The following GK variants were observed in gnomAD, a reference collection of about 807,000 sequenced individuals.
The protein encoded by GK is ATP:glycerol 3-phosphotransferase.
GK carries 9 observed loss-of-function variants against 56.4 expected under a neutral mutation model. That is an observed-to-expected ratio of 0.16 (90% CI 0.10 to 0.28). The LOEUF (loss-of-function observed/expected upper bound fraction) is 0.28. GK is among the 10% of genes least tolerant of loss of function. GK has a pLI of 1.00. For missense variants in GK, 161 were observed against 431.4 expected (o/e 0.37, Z 5.55); for synonymous variants, 104 against 144.1 (o/e 0.72, Z 1.99).
chrX:30,700,526 G>T, intron 10 of GK, 77 bp downstream of exon 10: 1 of 850,974 alleles, frequency 1.2e-6, no homozygotes, highest in South Asian at 2.2e-5. Context: ...GTTCATCAGT[G>T]TGCCTCTTTT....
chrX:30,715,354 T>A (rs185788104), intron 13 of GK, among the ~76,000 whole-genome samples: 8 of 112,456 alleles, frequency 7.1e-5, no homozygotes, highest in Admixed American at 5.7e-4. Context: ...CCTTTCACTT[T>A]CCAGGCTACA....
rs1569148656 is a variant in GK at position 30,674,731 on chromosome X, T to C, written c.260-2644T>C. ...ACAGAGGGTACATGTGCAGGTTTGT[T>C]ATGTAGGTATATTGCATGATGTTGA... On this transcript the variant is annotated intron_variant, in intron 3 of 20. Transcript: ENST00000427190. Among the ~76,000 whole-genome samples, 3 of 111,291 alleles carry C rather than the reference T, an allele frequency of 2.7e-5. No homozygotes were observed. The Admixed American group carries it at 2.9e-4, about 11-fold the overall frequency.
chrX:30,689,798 C>T (rs1012641785), intron 4 of GK, among the ~76,000 whole-genome samples: 1 of 111,925 alleles, frequency 8.9e-6, no homozygotes, highest in African/African-American at 3.2e-5. Flanking sequence ...AAAAAGAATT[C>T]GAAATACCTC....
chrX:30,706,181 T>C (rs1935993883), intron 11 of GK, among the ~76,000 whole-genome samples: 1 of 112,059 alleles, frequency 8.9e-6, no homozygotes, highest in African/African-American at 3.2e-5. Flanking sequence ...TGTCACCTGC[T>C]CATCAAGCAG....
chrX:30,669,384 A>G (rs1462847018), intron 3 of GK, among the ~76,000 whole-genome samples: 1 of 110,243 alleles, frequency 9.1e-6, no homozygotes, highest in Admixed American at 9.7e-5. Context: ...GGGTTTCACC[A>G]TGCTGGCCAG....
At position 30,696,034 on chromosome X, in the gene GK, C is replaced by G; in HGVS notation, c.553-8C>G. On this transcript the variant is annotated splice_region_variant and splice_polypyrimidine_tract_variant and intron_variant, in intron 6 of 20. Transcript: ENST00000427190. ...ACAAATTTAACCTGATTTTTTTACTCTGCCTAGAGTTTGACAGGAGGAGTC... is the reference window on the plus strand; with the variant it reads ...ACAAATTTAACCTGATTTTTTTACTGTGCCTAGAGTTTGACAGGAGGAGTC... 3.1e-6 allele frequency: 3 copies of G among 978,565 alleles called. No homozygotes were observed. The highest frequency in any genetic ancestry group is 4.4e-6 in the Non-Finnish European group (3 of 683,962). 80.6% of individuals were successfully genotyped at this position (978,565 alleles called of 1,213,427 possible).
At chrX:30,695,175 A>G (rs1270067170) in intron 6 of GK, 2 of 907,393 alleles carry the variant, frequency 2.2e-6, no homozygotes, top group African/African-American at 2.0e-5. Context: ...GGGAATGTCA[A>G]GGAAATATTG....
chrX:30,675,694 A>G (rs1200433440), intron 3 of GK, among the ~76,000 whole-genome samples: 1 of 107,766 alleles, frequency 9.3e-6, no homozygotes, highest in African/African-American at 3.4e-5. Context: ...TTTTTTTAGA[A>G]ACAAGGTCCA....
chrX:30,700,341 A>C, intron 9 of GK, 73 bp from the exon 10 acceptor site: 1 of 667,953 alleles, frequency 1.5e-6, no homozygotes, highest in East Asian at 3.3e-5. Context: ...ACTTGTGTTC[A>C]CTCTTGTTGC....
At chrX:30,693,095 C>A (rs1303771999) in intron 5 of GK, among the ~76,000 whole-genome samples, 1 of 99,898 alleles carries the variant, frequency 1.0e-5, no homozygotes, top group Non-Finnish European at 2.0e-5. Context: ...TGGCTCACTG[C>A]AAGCTCCGCC....
intron 3 of GK, among the ~76,000 whole-genome samples, chrX:30,668,938 G>A: frequency 9.0e-6 from 1 of 110,695 alleles, no homozygotes; most frequent in Non-Finnish European, 1.9e-5. Context: ...CTGATAGACT[G>A]GATGTTGGGG....
At chrX:30,715,031 C>T (rs1936540209) in intron 13 of GK, among the ~76,000 whole-genome samples, 1 of 111,980 alleles carries the variant, frequency 8.9e-6, no homozygotes, top group Non-Finnish European at 1.9e-5. Context: ...CATTATAAAT[C>T]ATATACGTAC....
chrX:30,698,878 A>AAG (rs1273316190), intron 9 of GK, among the ~76,000 whole-genome samples: 1 of 107,460 alleles, frequency 9.3e-6, no homozygotes, highest in Non-Finnish European at 1.9e-5. Flanking sequence ...AAAAAAAAAA[A>AAG]AAAAAAGAAA....
At chrX:30,693,000 CTTTTTCTTTTCTTTTTTTTTTTTTT>C (rs1373704606) in intron 5 of GK, among the ~76,000 whole-genome samples, 1 of 89,067 alleles carries the variant, frequency 1.1e-5, no homozygotes, top group East Asian at 3.4e-4. Flanking sequence ...TATGTATTTT[CTTTTTCTTTTCTTTTTTTTTTTTTT>C]TTTTTTTTTG....
rs768886993 is a variant in GK at position 30,708,125 on chromosome X, T to C, written c.966T>C (p.Tyr322=). ...TTGGCAGAGACAAACCAGTATATTA[T>C]GCTTTGGAAGTAAGTTCTTTTTAAT... ...YKLGRDKPVY[Y]ALEGSVAIAG... is the part of the protein sequence containing the mutation. The change falls in exon 13 of 21, where the codon TAT becomes TAC. Residue 322 remains tyrosine (Y), a synonymous_variant. Transcript: ENST00000427190. 2 of 1,084,989 alleles carry C rather than the reference T, an allele frequency of 1.8e-6. No individual in the cohort carries two copies. Among genetic ancestry groups the C allele is most frequent in the Middle Eastern group, 2.5e-4 (1 of 3,966 alleles). The allele number at this position is 1,084,989 out of a possible 1,213,427, so 89.4% of individuals were successfully genotyped here. A position where few individuals can be genotyped will look rare whatever the true frequency, so the allele number is the denominator to read the frequency against.
intron 11 of GK, among the ~76,000 whole-genome samples, chrX:30,706,636 G>A (rs771799971): frequency 4.4e-5 from 5 of 112,452 alleles, no homozygotes; most frequent in Non-Finnish European, 7.5e-5. Context: ...CCAAGGGCCA[G>A]ACTTGCTGCA....
chrX:30,677,842 GA>G lies in GK; in HGVS notation c.337+401del, dbSNP rs775008797. Among the ~76,000 whole-genome samples the G allele has an allele frequency of 2.0e-3, 192 of 96,060 alleles. 1 individual carries two copies. The highest frequency in any genetic ancestry group is 2.5e-3 in the Non-Finnish European group (116 of 47,126). 83.4% of individuals were successfully genotyped at this position (96,060 alleles called of 115,157 possible). A position where few individuals can be genotyped will look rare whatever the true frequency, so the allele number is the denominator to read the frequency against. On this transcript the variant is annotated intron_variant, in intron 4 of 20. Transcript: ENST00000427190. ...TCCATCTCAAAAAAAAAAAAAGAAA[GA>G]AAAAAAAAAACACATGCAGTCATGG...
At chrX:30,684,621 G>T (rs769482953) in intron 4 of GK, among the ~76,000 whole-genome samples, 1 of 89,986 alleles carries the variant, frequency 1.1e-5, no homozygotes, top group Admixed American at 1.5e-4. Context: ...AGCTGAGATC[G>T]CGCCATTGCA....
At chrX:30,728,499 A>G (rs1245908108) in intron 20 of GK, among the ~76,000 whole-genome samples, 1 of 112,082 alleles carries the variant, frequency 8.9e-6, no homozygotes, top group African/African-American at 3.2e-5. Context: ...TCGGTGACAT[A>G]CACTGCAATT....
Sources: allele counts gnomAD v4.1 joint callset (sites outside exome capture counted in the v4.1 genomes callset), GRCh38; gene constraint gnomAD v4.1.1; transcripts MANE v1.5; gene names NCBI Gene and HGNC (gene_info 2026-07-23, HGNC 2026-07-21).